The following SMYD3 variants were observed in gnomAD, a reference collection of about 807,000 sequenced individuals.
The protein encoded by SMYD3 is histone-lysine N-methyltransferase SMYD3.
Under a neutral mutation model 57.7 loss-of-function variants are expected in SMYD3, and 36 were observed. That is an observed-to-expected ratio of 0.62 (90% confidence interval 0.48 to 0.82). SMYD3 has a LOEUF of 0.82. SMYD3 is among the 40% of genes least tolerant of loss of function. The pLI is 0.00. For synonymous variants in SMYD3, 211 were observed against 195.0 expected (o/e 1.08, Z -0.68); for missense variants, 515 against 538.8 (o/e 0.96, Z 0.44).
intron 1 of SMYD3, among the ~76,000 whole-genome samples, chr1:246,420,806 G>A (rs1006453847): frequency 1.2e-4 from 19 of 152,196 alleles, no homozygotes; most frequent in African/African-American, 4.3e-4. Context: ...AATTGCCGTG[G>A]AGCAGGGCAA....
At chr1:246,029,211 C>T (rs1372440239) in intron 5 of SMYD3, among the ~76,000 whole-genome samples, 1 of 152,036 alleles carries the variant, frequency 6.6e-6, no homozygotes, top group Admixed American at 6.5e-5. Flanking sequence ...ACAAATGGCA[C>T]TATATTAAAC....
chr1:245,849,806 C>A (rs368783373), intron 10 of SMYD3, among the ~76,000 whole-genome samples: 3 of 152,122 alleles, frequency 2.0e-5, no homozygotes, highest in East Asian at 3.9e-4. Flanking sequence ...GCACATGCCA[C>A]CTCTCCCAGC....
At chr1:245,897,763 G>C (rs1199682528) in intron 8 of SMYD3, among the ~76,000 whole-genome samples, 1 of 151,994 alleles carries the variant, frequency 6.6e-6, no homozygotes, top group Non-Finnish European at 1.5e-5. Context: ...CAGGTGTGGT[G>C]GTGCGCGGCG....
intron 10 of SMYD3, among the ~76,000 whole-genome samples, chr1:245,824,216 C>T (rs2049339581): frequency 1.3e-5 from 2 of 152,208 alleles, no homozygotes; most frequent in South Asian, 2.1e-4. Context: ...ATTATCTTTG[C>T]ACACAGTTGG....
At chr1:246,171,691 T>C (rs1163176669) in intron 5 of SMYD3, among the ~76,000 whole-genome samples, 1 of 152,192 alleles carries the variant, frequency 6.6e-6, no homozygotes. Flanking sequence ...TCTACACTTA[T>C]CTAAACATAG....
chr1:246,457,548 AGAAAAG>A (rs796140553), intron 1 of SMYD3, among the ~76,000 whole-genome samples: 6 of 79,626 alleles, frequency 7.5e-5, no homozygotes, highest in African/African-American at 2.6e-4. Context: ...AAAAAAAAAA[AGAAAAG>A]AAAAGAAAAG....
intron 8 of SMYD3, among the ~76,000 whole-genome samples, chr1:245,896,791 C>CA (rs2053835039): frequency 6.6e-6 from 1 of 152,176 alleles, no homozygotes; most frequent in Non-Finnish European, 1.5e-5. Context: ...GCCTCAGCAT[C>CA]ACCGGGGCGC....
At chr1:246,492,398 G>A (rs368473818) in intron 1 of SMYD3, among the ~76,000 whole-genome samples, 1 of 152,124 alleles carries the variant, frequency 6.6e-6, no homozygotes, top group East Asian at 1.9e-4. Context: ...CTCAGAGAAC[G>A]CCGATGGCTC....
At chr1:246,126,250 T>C (rs1230794468) in intron 5 of SMYD3, among the ~76,000 whole-genome samples, 1 of 152,176 alleles carries the variant, frequency 6.6e-6, no homozygotes, top group Admixed American at 6.5e-5. Context: ...GTATTTTCAA[T>C]TGTCACAATG....
chr1:246,454,003 T>C (rs2067666780), intron 1 of SMYD3, among the ~76,000 whole-genome samples: 1 of 152,214 alleles, frequency 6.6e-6, no homozygotes, highest in South Asian at 2.1e-4. Flanking sequence ...TGGCAGTTAA[T>C]GCCCAGTCAA....
chr1:246,110,840 G>A (rs1380143136), intron 5 of SMYD3, among the ~76,000 whole-genome samples: 2 of 152,166 alleles, frequency 1.3e-5, no homozygotes, highest in Non-Finnish European at 2.9e-5. Context: ...GTGCAGCCAT[G>A]TTCCTTACAC....
chr1:246,311,730 C>A (rs1320404782), intron 5 of SMYD3, among the ~76,000 whole-genome samples: 3 of 152,324 alleles, frequency 2.0e-5, no homozygotes, highest in South Asian at 4.1e-4. Flanking sequence ...GCTTTCATGA[C>A]CCTCCTTCGT....
At chr1:245,794,038 T>C (rs183690117) in intron 10 of SMYD3, among the ~76,000 whole-genome samples, 1 of 152,244 alleles carries the variant, frequency 6.6e-6, no homozygotes, top group Non-Finnish European at 1.5e-5. Context: ...TTAAATTTCA[T>C]CTTAATCATT....
intron 8 of SMYD3, among the ~76,000 whole-genome samples, chr1:245,895,116 T>C (rs1213692136): frequency 1.3e-5 from 2 of 152,204 alleles, no homozygotes; most frequent in African/African-American, 2.4e-5. Flanking sequence ...CCGTATGTCA[T>C]AGCAACACTG....
intron 11 of SMYD3, 36 bp downstream of exon 11, chr1:245,764,005 G>T: frequency 1.3e-6 from 2 of 1,512,636 alleles, no homozygotes; most frequent in Non-Finnish European, 1.8e-6. Context: ...AAAAAAGGAT[G>T]CCAGGCAGAA....
At chr1:246,392,149 T>C (rs568641007) in intron 1 of SMYD3, among the ~76,000 whole-genome samples, 1 of 152,214 alleles carries the variant, frequency 6.6e-6, no homozygotes, top group East Asian at 1.9e-4. Context: ...TCACAAAACA[T>C]GACACATAAT....
intron 1 of SMYD3, 92 bp downstream of exon 1, chr1:246,506,962 G>A (rs1380180022): frequency 1.7e-6 from 2 of 1,203,474 alleles, no homozygotes; most frequent in South Asian, 1.6e-5. Context: ...CATCCAGCAG[G>A]AGTCCCGCGG....
intron 1 of SMYD3, among the ~76,000 whole-genome samples, chr1:246,481,621 T>TATATATATATACACACAC (rs1307881494): frequency 1.3e-4 from 13 of 98,554 alleles, no homozygotes; most frequent in South Asian, 6.1e-4. Flanking sequence ...CATACATATA[T>TATATATATATACACACAC]ACATACATAC....
intron 5 of SMYD3, among the ~76,000 whole-genome samples, chr1:246,103,007 T>C (rs1323860512): frequency 6.6e-6 from 1 of 152,202 alleles, no homozygotes; most frequent in Non-Finnish European, 1.5e-5. Context: ...CACTGCTGTA[T>C]TTAAGTGCCT....
Sources: allele counts gnomAD v4.1 joint callset (sites outside exome capture counted in the v4.1 genomes callset), GRCh38; gene constraint gnomAD v4.1.1; transcripts MANE v1.5; gene names NCBI Gene and HGNC (gene_info 2026-07-23, HGNC 2026-07-21).